TENM2: variants seen among roughly 807,000 people sequenced by gnomAD.
The protein encoded by TENM2 is teneurin-2.
In TENM2, 52 loss-of-function variants were observed where a neutral mutation model predicts 245.2. That is an observed-to-expected ratio of 0.21 (90% CI 0.17 to 0.27). The LOEUF is 0.27. Among genes scored for constraint, TENM2 ranks in the 10% least tolerant of loss-of-function variants. TENM2 has a pLI of 1.00. For synonymous variants in TENM2, 1,363 were observed against 1,438.9 expected (o/e 0.95, Z 1.19); for missense variants, 3,046 against 3,666.8 (o/e 0.83, Z 4.37).
intron 1 of TENM2, among the ~76,000 whole-genome samples, chr5:167,335,943 C>G (rs578213578): frequency 1.2e-4 from 18 of 152,138 alleles, no homozygotes; most frequent in Non-Finnish European, 2.6e-4. Context: ...AATAGAGATA[C>G]TATCATGACC....
the TENM2 span, among the ~76,000 whole-genome samples, chr5:167,209,910 G>A: frequency 3.9e-5 from 6 of 152,202 alleles, no homozygotes; most frequent in East Asian, 9.7e-4. Flanking sequence ...AATTAACATG[G>A]CATTTAGTCA....
chr5:167,492,867 A>G (rs1190175619), intron 2 of TENM2, among the ~76,000 whole-genome samples: 1 of 152,056 alleles, frequency 6.6e-6, no homozygotes, highest in East Asian at 1.9e-4. Context: ...GGAATGGCTC[A>G]CCCTGAAATT....
the TENM2 span, among the ~76,000 whole-genome samples, chr5:167,173,469 G>A: frequency 6.6e-6 from 1 of 152,126 alleles, no homozygotes; most frequent in Non-Finnish European, 1.5e-5. Context: ...GCTCCTCTGG[G>A]TACCGCTTTT....
At position 168,037,955 on chromosome 5, in the gene TENM2, C is replaced by T. The variant is rs114093161; in HGVS notation, c.1187-9472C>T. 5.4e-3 allele frequency among the ~76,000 whole-genome samples: 827 copies of T among 152,324 alleles called. 5 individuals carry two copies. Among genetic ancestry groups the T allele is most frequent in the African/African-American group, 0.019 (795 of 41,572 alleles). ...ACAGAAAAGGAAACCACAGAGGTTT[C>T]TCTGAAGGAGGGGGTTCAGGCAAAT... On this transcript the variant is annotated intron_variant, in intron 5 of 28. Transcript: ENST00000518659.
intron 2 of TENM2, among the ~76,000 whole-genome samples, chr5:167,695,983 G>A (rs375064888): frequency 1.3e-5 from 2 of 151,234 alleles, no homozygotes; most frequent in East Asian, 2.0e-4. Context: ...GCAGTGAGCC[G>A]AGATTGCACC....
intron 3 of TENM2, among the ~76,000 whole-genome samples, chr5:167,899,841 A>G (rs1278024337): frequency 6.6e-6 from 1 of 152,214 alleles, no homozygotes; most frequent in African/African-American, 2.4e-5. Flanking sequence ...ATGGAGCGAA[A>G]GAACGGCATC....
chr5:167,027,985 C>G, the TENM2 span, among the ~76,000 whole-genome samples: 1 of 147,492 alleles, frequency 6.8e-6, no homozygotes, highest in Admixed American at 7.0e-5. Context: ...GAAGGAGAAT[C>G]GCTTGAGCCT....
At chr5:167,488,284 A>G (rs1768210580) in intron 2 of TENM2, among the ~76,000 whole-genome samples, 1 of 152,186 alleles carries the variant, frequency 6.6e-6, no homozygotes, top group Non-Finnish European at 1.5e-5. Context: ...TTATAGAACA[A>G]TGTCTTGAAA....
At chr5:167,935,869 C>A (rs1026973764) in intron 3 of TENM2, among the ~76,000 whole-genome samples, 3 of 152,104 alleles carry the variant, frequency 2.0e-5, no homozygotes, top group East Asian at 1.9e-4. Flanking sequence ...GCTGTGCCAT[C>A]GCATTAAACA....
At chr5:167,238,992 A>G in the TENM2 span, among the ~76,000 whole-genome samples, 1 of 152,206 alleles carries the variant, frequency 6.6e-6, no homozygotes, top group Non-Finnish European at 1.5e-5. Context: ...CAGTATTTGC[A>G]TACTTGGTTC....
chr5:167,129,491 G>A, the TENM2 span, among the ~76,000 whole-genome samples: 1 of 152,106 alleles, frequency 6.6e-6, no homozygotes. Context: ...ATGGAGGAAG[G>A]GACCCTCCAA....
intron 4 of TENM2, chr5:167,967,156 T>A (rs1423533663): frequency 6.6e-6 from 1 of 152,090 alleles, no homozygotes; most frequent in Non-Finnish European, 1.5e-5. Context: ...CCAGGCTGTG[T>A]CTTTTTTTTT....
At chr5:167,196,954 C>T in the TENM2 span, among the ~76,000 whole-genome samples, 22 of 151,808 alleles carry the variant, frequency 1.4e-4, no homozygotes, top group Admixed American at 3.3e-4. Flanking sequence ...CTGACTGTCT[C>T]ACCCATACTC....
At chr5:168,228,044 A>G (rs995948980) in exon 25 of TENM2, 3 of 1,613,906 alleles carry the variant, frequency 1.9e-6, no homozygotes, top group South Asian at 1.1e-5. Flanking sequence ...CTCCCTGCCT[A>G]TGGAGAATGG....
chr5:167,922,119 A>G (rs998429849), intron 3 of TENM2, among the ~76,000 whole-genome samples: 10 of 152,184 alleles, frequency 6.6e-5, no homozygotes, highest in African/African-American at 1.7e-4. Flanking sequence ...AACTGGCAAA[A>G]TGGTCTTTTA....
the TENM2 span, among the ~76,000 whole-genome samples, chr5:167,148,848 T>C: frequency 6.6e-6 from 1 of 152,160 alleles, no homozygotes; most frequent in Admixed American, 6.6e-5. Context: ...AATATATGTG[T>C]GTGATTTGAA....
At chr5:167,711,727 C>T (rs948080753) in intron 2 of TENM2, among the ~76,000 whole-genome samples, 2 of 152,158 alleles carry the variant, frequency 1.3e-5, no homozygotes, top group East Asian at 3.9e-4. Context: ...GCACTGCGCT[C>T]ATCTCCTTAG....
chr5:167,527,298 C>G (rs1180418977), intron 2 of TENM2, among the ~76,000 whole-genome samples: 1 of 152,048 alleles, frequency 6.6e-6, no homozygotes, highest in Non-Finnish European at 1.5e-5. Flanking sequence ...AAGAAAAGAA[C>G]AGTCCCCCAC....
chr5:167,198,931 C>G, the TENM2 span, among the ~76,000 whole-genome samples: 1 of 151,824 alleles, frequency 6.6e-6, no homozygotes, highest in Admixed American at 6.6e-5. Flanking sequence ...CCTGGTGAGC[C>G]GTGCTTGGTC....
Sources: allele counts gnomAD v4.1 joint callset (sites outside exome capture counted in the v4.1 genomes callset), GRCh38; gene constraint gnomAD v4.1.1; transcripts MANE v1.5; gene names NCBI Gene and HGNC (gene_info 2026-07-23, HGNC 2026-07-21).